Variants in EYS observed in about 807,000 individuals in gnomAD.
EYS encodes the protein EGF-like photoreceptor maintenance factor.
A neutral mutation model predicts 282.1 loss-of-function variants in EYS; 250 were observed. The observed-to-expected ratio is 0.89, with a 90% CI of 0.80 to 0.98. The LOEUF is 0.98. EYS is among the 50% of genes least tolerant of loss of function. The pLI, the probability that EYS is intolerant of heterozygous loss-of-function variation, is 0.00. For synonymous variants in EYS, 1,355 were observed against 1,282.9 expected (o/e 1.06, Z -1.20); for missense variants, 4,016 against 3,709.0 (o/e 1.08, Z -2.15).
chr6:65,661,246 A>T lies in EYS; in HGVS notation c.-447-21354T>A, dbSNP rs147578894. Among the ~76,000 whole-genome samples, 1,429 of 152,006 alleles carry T rather than the reference A, an allele frequency of 9.4e-3. 8 individuals are homozygous for T. Among genetic ancestry groups the T allele is most frequent in the Non-Finnish European group, 0.016 (1,070 of 67,816 alleles). The stretch of plus-strand genomic sequence containing the variant: ...ACCACCATATATGAGACGGTAAAAT[A>T]TTAATTACAACAATAAGCATCTTTT... On this transcript the variant is annotated intron_variant, in intron 1 of 42. Coordinates refer to ENST00000503581, the MANE Select transcript of EYS (RefSeq NM_001142800.2).
At chr6:64,979,198 C>T (rs1004193418) in intron 14 of EYS, among the ~76,000 whole-genome samples, 2 of 151,750 alleles carry the variant, frequency 1.3e-5, no homozygotes, top group Admixed American at 1.3e-4. Context: ...GCTATATTCG[C>T]TTTATTGCAG....
At chr6:64,569,551 C>T (rs1765657398) in intron 26 of EYS, among the ~76,000 whole-genome samples, 1 of 151,842 alleles carries the variant, frequency 6.6e-6, no homozygotes, top group African/African-American at 2.4e-5. Context: ...ACCATCCTGG[C>T]TAACACGGTG....
At chr6:65,475,332 T>C (rs1358398941) in intron 5 of EYS, among the ~76,000 whole-genome samples, 3 of 152,150 alleles carry the variant, frequency 2.0e-5, no homozygotes, top group African/African-American at 7.2e-5. Context: ...TGCTTTTCAT[T>C]TATTCAATAA....
At chr6:65,124,735 A>G (rs1299624694) in intron 12 of EYS, among the ~76,000 whole-genome samples, 12 of 152,174 alleles carry the variant, frequency 7.9e-5, no homozygotes, top group African/African-American at 2.7e-4. Flanking sequence ...ACACTGACCT[A>G]GAACTTAATT....
chr6:64,359,060 C>G (rs1473150689), intron 29 of EYS, among the ~76,000 whole-genome samples: 1 of 151,576 alleles, frequency 6.6e-6, no homozygotes, highest in Non-Finnish European at 1.5e-5. Context: ...TCTAGACATG[C>G]AGATATCACA....
chr6:64,244,321 T>C (rs1233023163), intron 30 of EYS, among the ~76,000 whole-genome samples: 3 of 152,206 alleles, frequency 2.0e-5, no homozygotes, highest in African/African-American at 7.2e-5. Flanking sequence ...GAGCATTTTG[T>C]AATGTTTTCA....
chr6:65,363,971 C>T (rs1411891573), intron 8 of EYS, among the ~76,000 whole-genome samples: 9 of 151,054 alleles, frequency 6.0e-5, no homozygotes, highest in Non-Finnish European at 1.3e-4. Context: ...TTTTATTGTG[C>T]TACAATAATA....
intron 35 of EYS, among the ~76,000 whole-genome samples, chr6:63,934,226 C>T (rs961143300): frequency 5.9e-5 from 9 of 152,152 alleles, no homozygotes; most frequent in Middle Eastern, 3.4e-3. Context: ...GTTAGAACGG[C>T]GATCATTAAA....
intron 22 of EYS, among the ~76,000 whole-genome samples, chr6:64,788,960 C>T (rs766726063): frequency 1.3e-5 from 2 of 152,110 alleles, no homozygotes; most frequent in Admixed American, 6.6e-5. Flanking sequence ...TAAGTCACCT[C>T]AATAAAGTGA....
intron 13 of EYS, among the ~76,000 whole-genome samples, chr6:65,039,133 A>G (rs1772854981): frequency 6.6e-6 from 1 of 151,442 alleles, no homozygotes; most frequent in African/African-American, 2.4e-5. Context: ...TTTCTCCTTC[A>G]TAGTTTTAGG....
At chr6:65,179,797 A>C (rs1278490935) in intron 12 of EYS, among the ~76,000 whole-genome samples, 1 of 152,070 alleles carries the variant, frequency 6.6e-6, no homozygotes, top group Non-Finnish European at 1.5e-5. Context: ...CATTGATGCA[A>C]AAATCCTCAA....
rs917264385 is a variant in EYS at position 65,696,272 on chromosome 6, T to C, written c.-448+10863A>G. Among the ~76,000 whole-genome samples the C allele has an allele frequency of 3.3e-5, 5 of 152,124 alleles. No homozygotes were observed. In the East Asian group the frequency reaches 5.8e-4, roughly 18 times the overall value. ...GTCATACTCCTGGTTAAAAAAAATCTGTATTATTTATCTAAACATCTTTAT... is the reference window on the plus strand; with the variant it reads ...GTCATACTCCTGGTTAAAAAAAATCCGTATTATTTATCTAAACATCTTTAT... On this transcript the variant is annotated intron_variant, in intron 1 of 42. Coordinates refer to ENST00000503581, the MANE Select transcript of EYS (RefSeq NM_001142800.2).
At chr6:64,697,238 T>G (rs1316745086) in intron 22 of EYS, among the ~76,000 whole-genome samples, 1 of 151,806 alleles carries the variant, frequency 6.6e-6, no homozygotes, top group African/African-American at 2.4e-5. Flanking sequence ...AAATGAAAAC[T>G]AAAAGAAGCT....
At chr6:63,942,355 T>C (rs1243555360) in intron 35 of EYS, among the ~76,000 whole-genome samples, 1 of 152,178 alleles carries the variant, frequency 6.6e-6, no homozygotes, top group Non-Finnish European at 1.5e-5. Context: ...AAGGAAGTCA[T>C]AAAAGAGATT....
At chr6:63,842,814 T>C (rs1771995953) in intron 36 of EYS, among the ~76,000 whole-genome samples, 1 of 152,216 alleles carries the variant, frequency 6.6e-6, no homozygotes, top group African/African-American at 2.4e-5. Flanking sequence ...CAATTTCAGT[T>C]TTCTGCATAT....
intron 31 of EYS, among the ~76,000 whole-genome samples, chr6:64,120,357 T>TAAAAAAAAAAAAA (rs34632243): frequency 1.3e-5 from 1 of 76,772 alleles, no homozygotes; most frequent in African/African-American, 6.1e-5. Context: ...CTCCATCTCT[T>TAAAAAAAAAAAAA]AAAAAAAAAA....
At chr6:64,904,956 A>T (rs971810957) in intron 16 of EYS, among the ~76,000 whole-genome samples, 3 of 152,230 alleles carry the variant, frequency 2.0e-5, no homozygotes, top group Non-Finnish European at 2.9e-5. Context: ...TGTGGATTGC[A>T]TTCAATATAA....
intron 22 of EYS, among the ~76,000 whole-genome samples, chr6:64,703,429 A>ATATATATTTTTTTTTTT (rs869208549): frequency 2.1e-4 from 5 of 23,360 alleles, no homozygotes; most frequent in East Asian, 8.1e-4. Context: ...ATATATATAT[A>ATATATATTTTTTTTTTT]TTTTTTTTTT....
intron 21 of EYS, chr6:64,815,185 T>C: frequency 2.3e-6 from 1 of 441,220 alleles, no homozygotes; most frequent in Non-Finnish European, 4.5e-6. Flanking sequence ...AAGTATGTTT[T>C]TATAAACAAA....
Sources: gnomAD v4.1 joint callset for allele counts (sites outside exome capture counted in the v4.1 genomes callset) on GRCh38, gnomAD v4.1.1 for gene constraint, MANE v1.5 for transcripts, NCBI Gene and HGNC (gene_info 2026-07-23, HGNC 2026-07-21) for gene names.